TTC28: variants seen among roughly 807,000 people sequenced by gnomAD.
TTC28 encodes the protein tetratricopeptide repeat protein 28.
A neutral mutation model predicts 198.0 loss-of-function variants in TTC28; 61 were observed. That is an observed-to-expected ratio of 0.31 (90% CI 0.25 to 0.38). TTC28 has a LOEUF of 0.38. Ranked by LOEUF, TTC28 falls within the 10% of genes least tolerant of loss-of-function variation. The pLI is 1.00. For synonymous variants in TTC28, 1,171 were observed against 1,297.8 expected, an observed-to-expected ratio of 0.90 and a Z score of 2.10; for missense variants, 2,678 against 3,164.0, an observed-to-expected ratio of 0.85 and a Z score of 3.69.
intron 2 of TTC28, among the ~76,000 whole-genome samples, chr22:28,482,207 CTTTTTTT>C (rs36011379): frequency 3.0e-5 from 2 of 66,912 alleles, no homozygotes; most frequent in Admixed American, 4.8e-4. Context: ...AATGGGCAGT[CTTTTTTT>C]TTTTTTTTTT....
At chr22:28,177,727 A>C (rs2147097159) in intron 5 of TTC28, among the ~76,000 whole-genome samples, 1 of 152,370 alleles carries the variant, frequency 6.6e-6, no homozygotes, top group African/African-American at 2.4e-5. Context: ...TTTTAAATGT[A>C]TACTGCTTAG....
intron 5 of TTC28, among the ~76,000 whole-genome samples, chr22:28,281,325 T>C (rs557067540): frequency 2.6e-5 from 4 of 152,230 alleles, no homozygotes; most frequent in African/African-American, 7.2e-5. Flanking sequence ...ATTGGATACT[T>C]TCCATTGATC....
At chr22:28,590,870 G>A (rs547269751) in intron 2 of TTC28, among the ~76,000 whole-genome samples, 10 of 150,554 alleles carry the variant, frequency 6.6e-5, no homozygotes, top group East Asian at 2.0e-4. Context: ...TTAGCCAGGC[G>A]TGGTGGTGGG....
Position 28,157,465 on chromosome 22 carries a change from C to T in TTC28, c.1441+5627G>A, listed in dbSNP as rs147662331. On this transcript the variant is annotated intron_variant, in intron 6 of 22. Coordinates refer to ENST00000397906, the MANE Select transcript of TTC28 (RefSeq NM_001145418.2). ...CTATGAGGCCAGTATTACCCTGATACGAAAACCAAAGACACATCAAACTAC... is the reference window on the plus strand; with the variant it reads ...CTATGAGGCCAGTATTACCCTGATATGAAAACCAAAGACACATCAAACTAC... Among the ~76,000 whole-genome samples, 679 of 152,158 alleles carry T rather than the reference C, an allele frequency of 4.5e-3. 4 individuals are homozygous for T. Among genetic ancestry groups the T allele is most frequent in the Non-Finnish European group, 6.4e-3 (435 of 67,990 alleles).
intron 5 of TTC28, among the ~76,000 whole-genome samples, chr22:28,276,187 A>AC (rs1036445719): frequency 5.3e-5 from 8 of 151,544 alleles, no homozygotes; most frequent in African/African-American, 1.9e-4. Context: ...AATTTTGTGT[A>AC]TTTTTTGTAG....
chr22:28,489,881 A>C (rs1036500201), intron 2 of TTC28, among the ~76,000 whole-genome samples: 3 of 152,192 alleles, frequency 2.0e-5, no homozygotes, highest in Non-Finnish European at 4.4e-5. Flanking sequence ...AGGGGAGTTT[A>C]TTAAGTATTA....
chr22:28,032,221 AT>A (rs1312387075), intron 12 of TTC28, among the ~76,000 whole-genome samples: 13 of 105,048 alleles, frequency 1.2e-4, no homozygotes, highest in East Asian at 6.8e-4. Flanking sequence ...TATATATAAA[AT>A]ATATATATAT....
intron 2 of TTC28, among the ~76,000 whole-genome samples, chr22:28,423,513 G>A (rs939988714): frequency 7.2e-5 from 11 of 152,168 alleles, no homozygotes; most frequent in African/African-American, 1.9e-4. Flanking sequence ...TAAGTAATCC[G>A]TTTCAGCCCT....
At chr22:28,511,305 C>T (rs2048685173) in intron 2 of TTC28, among the ~76,000 whole-genome samples, 1 of 152,174 alleles carries the variant, frequency 6.6e-6, no homozygotes, top group African/African-American at 2.4e-5. Context: ...GGTACAAAAA[C>T]AGACACATAG....
intron 2 of TTC28, among the ~76,000 whole-genome samples, chr22:28,442,431 G>A (rs2047639467): frequency 6.6e-6 from 1 of 152,240 alleles, no homozygotes; most frequent in African/African-American, 2.4e-5. Context: ...CGGGGCCCTG[G>A]GGAAACGGCT....
chr22:28,200,942 C>T (rs936872524), intron 5 of TTC28, among the ~76,000 whole-genome samples: 1 of 152,190 alleles, frequency 6.6e-6, no homozygotes, highest in African/African-American at 2.4e-5. Context: ...AGCACACTTA[C>T]ATTTCTTGGG....
At chr22:28,525,241 C>T (rs1457601356) in intron 2 of TTC28, among the ~76,000 whole-genome samples, 1 of 152,160 alleles carries the variant, frequency 6.6e-6, no homozygotes, top group Non-Finnish European at 1.5e-5. Context: ...GTACCTCGAC[C>T]TCCCAGGTTC....
intron 2 of TTC28, among the ~76,000 whole-genome samples, chr22:28,318,444 A>C (rs1334943678): frequency 6.6e-6 from 1 of 152,136 alleles, no homozygotes; most frequent in African/African-American, 2.4e-5. Context: ...GGGAAAGAAA[A>C]ACCAAAACAA....
chr22:28,167,119 C>G (rs1054078334), intron 5 of TTC28, among the ~76,000 whole-genome samples: 1 of 152,062 alleles, frequency 6.6e-6, no homozygotes, highest in African/African-American at 2.4e-5. Flanking sequence ...AAGACTAAAC[C>G]AGGAAGAAGT....
At chr22:28,311,172 T>C (rs910236231) in intron 2 of TTC28, among the ~76,000 whole-genome samples, 27 of 151,112 alleles carry the variant, frequency 1.8e-4, no homozygotes, top group African/African-American at 6.4e-4. Context: ...CATGGTTTTA[T>C]AGCTTCTAGT....
intron 2 of TTC28, among the ~76,000 whole-genome samples, chr22:28,322,582 C>T (rs961008362): frequency 6.6e-6 from 1 of 152,026 alleles, no homozygotes; most frequent in African/African-American, 2.4e-5. Flanking sequence ...AAAAATAGAG[C>T]GTAACAGTGA....
chr22:28,678,516 AC>A (rs2145723758), intron 1 of TTC28, among the ~76,000 whole-genome samples: 1 of 152,178 alleles, frequency 6.6e-6, no homozygotes, highest in Admixed American at 6.5e-5. Flanking sequence ...GAGCCACCGC[AC>A]CCGGCCTAGT....
At chr22:28,429,118 C>T (rs539310755) in intron 2 of TTC28, among the ~76,000 whole-genome samples, 4 of 152,258 alleles carry the variant, frequency 2.6e-5, no homozygotes, top group South Asian at 2.1e-4. Flanking sequence ...CCCCAGTAAA[C>T]GCATATAGAA....
At chr22:28,052,678 G>A (rs1255508264) in intron 12 of TTC28, among the ~76,000 whole-genome samples, 2 of 152,122 alleles carry the variant, frequency 1.3e-5, no homozygotes, top group Non-Finnish European at 1.5e-5. Context: ...GTTGGCTATG[G>A]GGCTTCTGAA....
Sources: allele counts gnomAD v4.1 joint callset (sites outside exome capture counted in the v4.1 genomes callset), GRCh38; gene constraint gnomAD v4.1.1; transcripts MANE v1.5; gene names NCBI Gene and HGNC (gene_info 2026-07-23, HGNC 2026-07-21).